Variants in PYM1 observed in about 807,000 individuals in gnomAD.
PYM1 encodes PYM1 exon junction complex associated factor, also known as partner of Y14 and mago.
A neutral mutation model predicts 20.7 loss-of-function variants in PYM1; 7 were observed. That is an observed-to-expected ratio of 0.34 (90% confidence interval 0.19 to 0.64). The LOEUF (loss-of-function observed/expected upper bound fraction) is 0.64, where lower values mean the gene tolerates loss of function less well. PYM1 is among the 30% of genes least tolerant of loss of function. PYM1 has a pLI of 0.74. For missense variants in PYM1, 194 were observed against 250.0 expected (o/e 0.78, Z 1.51); for synonymous variants, 100 against 99.2 (o/e 1.01, Z -0.05).
intron 1 of PYM1, among the ~76,000 whole-genome samples, chr12:55,908,577 C>T (rs1441687933): frequency 2.0e-5 from 3 of 152,018 alleles, no homozygotes; most frequent in Non-Finnish European, 2.9e-5. Flanking sequence ...AAAGTCCAGG[C>T]GCACGGGCCC....
Position 55,910,500 on chromosome 12 carries a change from T to G in PYM1, c.38-7020A>C, listed in dbSNP as rs371198265. The stretch of plus-strand genomic sequence containing the variant: ...CCCTGTTGCCCAGGCTGGAGTGTAG[T>G]GGCATGATCTTGGCTCACTGCAACC... On this transcript the variant is annotated intron_variant, in intron 1 of 2. Coordinates refer to ENST00000408946, the MANE Select transcript of PYM1 (RefSeq NM_032345.3). Among the ~76,000 whole-genome samples, 60 of 152,214 alleles carry G rather than the reference T, an allele frequency of 3.9e-4. No individual in the cohort carries two copies. In the East Asian group the frequency reaches 8.5e-3, roughly 22 times the overall value.
At chr12:55,905,443 T>C (rs1882778558) in intron 1 of PYM1, among the ~76,000 whole-genome samples, 1 of 151,712 alleles carries the variant, frequency 6.6e-6, no homozygotes, top group Admixed American at 6.6e-5. Context: ...AGCTCATGCC[T>C]GTAATCCCAA....
intron 1 of PYM1, among the ~76,000 whole-genome samples, chr12:55,908,663 C>A (rs1882868497): frequency 6.6e-6 from 1 of 151,828 alleles, no homozygotes; most frequent in Non-Finnish European, 1.5e-5. Context: ...ACCAGCCTGG[C>A]CAAAATTGTG....
intron 1 of PYM1, among the ~76,000 whole-genome samples, chr12:55,917,659 G>A (rs942748733): frequency 1.8e-4 from 28 of 151,952 alleles, no homozygotes; most frequent in South Asian, 4.2e-4. Flanking sequence ...GGCGGGCACG[G>A]GTTTAAAAAC....
Position 55,902,189 on chromosome 12 carries a change from G to C in PYM1, c.298C>G (p.Gln100Glu). The C allele has an allele frequency of 1.2e-6, 2 of 1,614,084 alleles. No homozygotes were observed. Among genetic ancestry groups the C allele is most frequent in the Non-Finnish European group, 1.7e-6 (2 of 1,180,020 alleles). ...GCCTCTGCCTCTCCTTTCTCTTGCT[G>C]CTGCCGCCTCTTCTCCTTTCGCTTC... is the stretch of plus-strand genomic sequence containing the variant. ...NLKRKEKRRQ[Q>E]QEKGEAEALS... The change falls in exon 3 of 3, where the codon CAG becomes GAG. Residue 100 changes from glutamine (Q) to glutamate (E), a missense_variant. Physicochemically the swap from Gln to Glu is conservative, Grantham distance 29. Transcript: ENST00000408946.
chr12:55,906,374 C>A (rs1349618655), intron 1 of PYM1, among the ~76,000 whole-genome samples: 1 of 152,022 alleles, frequency 6.6e-6, no homozygotes, highest in Non-Finnish European at 1.5e-5. Flanking sequence ...CTGGCATTTA[C>A]AGCAAGTGTG....
At chr12:55,902,971 C>CGG (rs1421106789) in intron 2 of PYM1, among the ~76,000 whole-genome samples, 1 of 151,816 alleles carries the variant, frequency 6.6e-6, no homozygotes, top group Admixed American at 6.6e-5. Context: ...TTAGTACAGA[C>CGG]GGGGTTTCAC....
At chr12:55,923,525 A>C (rs1227134371) in intron 1 of PYM1, among the ~76,000 whole-genome samples, 2 of 151,624 alleles carry the variant, frequency 1.3e-5, no homozygotes, top group Non-Finnish European at 2.9e-5. Flanking sequence ...TGATTGCACC[A>C]CTGCACTCCA....
At chr12:55,917,887 G>A (rs1334372253) in intron 1 of PYM1, among the ~76,000 whole-genome samples, 1 of 151,840 alleles carries the variant, frequency 6.6e-6, no homozygotes, top group East Asian at 2.0e-4. Flanking sequence ...TTCAACCCGG[G>A]AGATAGAGGT....
At chr12:55,907,166 G>GA (rs5798361) in intron 1 of PYM1, among the ~76,000 whole-genome samples, 5,728 of 151,146 alleles carry the variant, frequency 0.038, 371 homozygotes, top group African/African-American at 0.13. Context: ...TAAAAATAAA[G>GA]AAAAAAGATT....
intron 1 of PYM1, among the ~76,000 whole-genome samples, chr12:55,917,086 A>T (rs1883020709): frequency 6.8e-6 from 1 of 146,862 alleles, no homozygotes; most frequent in Non-Finnish European, 1.5e-5. Flanking sequence ...TGGGCAACAG[A>T]GTGAAACTCT....
chr12:55,907,149 A>T (rs1425955871), intron 1 of PYM1, among the ~76,000 whole-genome samples: 1 of 151,100 alleles, frequency 6.6e-6, no homozygotes, highest in Non-Finnish European at 1.5e-5. Context: ...TTTAAGTATT[A>T]CTTTTGTAAA....
intron 1 of PYM1, among the ~76,000 whole-genome samples, chr12:55,916,844 T>C (rs1681070): frequency 0.85 from 129,223 of 152,170 alleles, 55,265 homozygotes; most frequent in African/African-American, 0.96. Context: ...GGCGTGGTGG[T>C]TCATGCCTCT....
At chr12:55,926,972 G>A in intron 1 of PYM1, 5 of 1,244,410 alleles carry the variant, frequency 4.0e-6, no homozygotes, top group Non-Finnish European at 5.5e-6. Context: ...GGGGGGCGGG[G>A]CAAAGGAGGG....
At chr12:55,927,002 A>C in intron 1 of PYM1, 1 of 1,432,654 alleles carries the variant, frequency 7.0e-7, no homozygotes, top group East Asian at 2.5e-5. Flanking sequence ...TGGGCGGGGC[A>C]CAGACCCCTT....
At chr12:55,927,238 G>T (rs1287439644) in intron 1 of PYM1, 3 of 1,316,604 alleles carry the variant, frequency 2.3e-6, no homozygotes, top group Non-Finnish European at 3.2e-6. Flanking sequence ...TTTCATGGGC[G>T]GAGGTGGAGG....
At chr12:55,914,454 G>C (rs1412797681) in intron 1 of PYM1, 2 of 665,894 alleles carry the variant, frequency 3.0e-6, no homozygotes, top group African/African-American at 1.8e-5. Context: ...GACTGCTACT[G>C]TAAGAATCTT....
chr12:55,919,477 G>A (rs1287553872), intron 1 of PYM1, among the ~76,000 whole-genome samples: 1 of 152,018 alleles, frequency 6.6e-6, no homozygotes, highest in Non-Finnish European at 1.5e-5. Context: ...TTTATTTTGT[G>A]TCACATCTCA....
intron 1 of PYM1, among the ~76,000 whole-genome samples, chr12:55,905,706 T>C: frequency 2.1e-5 from 1 of 47,194 alleles, no homozygotes; most frequent in Non-Finnish European, 4.3e-5. Context: ...CCAACCCAAT[T>C]AAAAAATATA....
Sources: allele counts gnomAD v4.1 joint callset (sites outside exome capture counted in the v4.1 genomes callset), GRCh38; gene constraint gnomAD v4.1.1; transcripts MANE v1.5; gene names NCBI Gene and HGNC (gene_info 2026-07-23, HGNC 2026-07-21).